Variants in HS6ST3 observed in about 807,000 individuals in gnomAD.
The protein encoded by HS6ST3 is heparan sulfate 6-O-sulfotransferase 3.
A neutral mutation model predicts 36.7 loss-of-function variants in HS6ST3; 12 were observed. The ratio of observed to expected loss-of-function variants is 0.33; its 90% CI spans 0.21 to 0.53. The LOEUF (loss-of-function observed/expected upper bound fraction) is 0.53, where lower values mean the gene tolerates loss of function less well. Ranked by LOEUF, HS6ST3 falls within the 20% of genes least tolerant of loss-of-function variation. The pLI is 0.95. For synonymous variants in HS6ST3, 240 were observed against 257.5 expected (o/e 0.93, Z 0.65); for missense variants, 584 against 640.9 (o/e 0.91, Z 0.96).
rs74107164 is a variant in HS6ST3, at chr13:96,709,625, G to A, written c.708-122865G>A. 8.7e-3 allele frequency among the ~76,000 whole-genome samples: 1,321 copies of A among 152,266 alleles called. 25 individuals carry two copies. The highest frequency in any genetic ancestry group is 0.03 in the African/African-American group (1,233 of 41,542). ...TCTCTCTCCTCCATGTGAGGATATA[G>A]CAAGAAGGTGGCTGTCTATAAATCG... On this transcript the variant is annotated intron_variant, in intron 1 of 1. Coordinates refer to ENST00000376705, the MANE Select transcript of HS6ST3 (RefSeq NM_153456.4).
intron 1 of HS6ST3, among the ~76,000 whole-genome samples, chr13:96,291,636 A>G (rs970882609): frequency 1.3e-5 from 2 of 152,206 alleles, no homozygotes; most frequent in Non-Finnish European, 2.9e-5. Flanking sequence ...AATTATTCTC[A>G]GAAGATAAAA....
Position 96,692,361 on chromosome 13 carries a change from ATAT to A in HS6ST3, c.708-140124_708-140122del, listed in dbSNP as rs530705683. ...ACACTATGTAAATAGTTGTTATAAC[ATAT>A]TATTTAGGGAACAAAAACAAGAAAA... is the stretch of plus-strand genomic sequence containing the variant. On this transcript the variant is annotated intron_variant, in intron 1 of 1. Coordinates refer to ENST00000376705, the MANE Select transcript of HS6ST3 (RefSeq NM_153456.4). 2.0e-5 allele frequency among the ~76,000 whole-genome samples: 3 copies of A among 152,232 alleles called. No individual in the cohort carries two copies. In the East Asian group the frequency reaches 5.8e-4, roughly 29 times the overall value.
chr13:96,458,028 A>G (rs2055762725), intron 1 of HS6ST3, among the ~76,000 whole-genome samples: 1 of 152,050 alleles, frequency 6.6e-6, no homozygotes, highest in African/African-American at 2.4e-5. Flanking sequence ...TAGTTTTAGG[A>G]ACCGGGGAGG....
At chr13:96,719,832 A>C (rs182647208) in intron 1 of HS6ST3, among the ~76,000 whole-genome samples, 1 of 152,208 alleles carries the variant, frequency 6.6e-6, no homozygotes, top group East Asian at 1.9e-4. Context: ...AAAAATACCC[A>C]CACACACTCT....
intron 1 of HS6ST3, among the ~76,000 whole-genome samples, chr13:96,672,702 T>C (rs2056686562): frequency 6.6e-6 from 1 of 152,176 alleles, no homozygotes; most frequent in Admixed American, 6.6e-5. Flanking sequence ...GTTTGAAGAC[T>C]TGGAATATCT....
intron 1 of HS6ST3, among the ~76,000 whole-genome samples, chr13:96,361,900 TTCTCAATGTGTGAC>T (rs1368914013): frequency 4.6e-5 from 7 of 152,182 alleles, no homozygotes; most frequent in African/African-American, 1.7e-4. Flanking sequence ...AGATCAGTGG[TTCTCAATGTGTGAC>T]TCTCAGACCA....
chr13:96,248,611 A>G (rs1594730777), intron 1 of HS6ST3, among the ~76,000 whole-genome samples: 1 of 152,316 alleles, frequency 6.6e-6, no homozygotes, highest in Admixed American at 6.5e-5. Context: ...CAAACAACTT[A>G]ATTTATATAA....
At chr13:96,372,232 C>A (rs1340401552) in intron 1 of HS6ST3, among the ~76,000 whole-genome samples, 5 of 152,138 alleles carry the variant, frequency 3.3e-5, no homozygotes, top group African/African-American at 1.2e-4. Context: ...TCTCTGATGA[C>A]TACTGATGTT....
chr13:96,311,869 A>T (rs2054942475), intron 1 of HS6ST3, among the ~76,000 whole-genome samples: 1 of 152,168 alleles, frequency 6.6e-6, no homozygotes, highest in Admixed American at 6.5e-5. Flanking sequence ...TTCAAGAGGG[A>T]GAGAGTGTGG....
chr13:96,466,842 TCTC>T (rs2055816770), intron 1 of HS6ST3, among the ~76,000 whole-genome samples: 1 of 152,196 alleles, frequency 6.6e-6, no homozygotes. Flanking sequence ...AAGTTGGAAA[TCTC>T]CTGTGATGAG....
intron 1 of HS6ST3, among the ~76,000 whole-genome samples, chr13:96,378,660 G>A (rs919899058): frequency 6.6e-5 from 10 of 152,170 alleles, no homozygotes. Flanking sequence ...GTCAAGTGGG[G>A]CTCACATTCA....
intron 1 of HS6ST3, among the ~76,000 whole-genome samples, chr13:96,267,542 T>TTGAGGCAAAACCAAAGGAA (rs2054698401): frequency 3.3e-5 from 5 of 152,148 alleles, no homozygotes; most frequent in African/African-American, 1.2e-4. Context: ...ATGTCCTTTG[T>TTGAGGCAAAACCAAAGGAA]GTTATTAAAA....
intron 1 of HS6ST3, among the ~76,000 whole-genome samples, chr13:96,218,816 C>T (rs952796521): frequency 6.6e-6 from 1 of 152,078 alleles, no homozygotes; most frequent in Non-Finnish European, 1.5e-5. Context: ...TCAATTGAGG[C>T]CTGTACTGCT....
chr13:96,565,846 G>A (rs1259686094), intron 1 of HS6ST3, among the ~76,000 whole-genome samples: 2 of 152,028 alleles, frequency 1.3e-5, no homozygotes, highest in African/African-American at 4.8e-5. Context: ...AGCCTTAAAT[G>A]GAAATTGACA....
chr13:96,779,687 G>T (rs558556405), intron 1 of HS6ST3, among the ~76,000 whole-genome samples: 6 of 151,766 alleles, frequency 4.0e-5, no homozygotes, highest in Admixed American at 3.9e-4. Context: ...GTGAAAATGA[G>T]GTCAGACCAG....
At chr13:96,752,891 T>A (rs1299758562) in intron 1 of HS6ST3, among the ~76,000 whole-genome samples, 1 of 152,230 alleles carries the variant, frequency 6.6e-6, no homozygotes, top group African/African-American at 2.4e-5. Context: ...CCTATATTTT[T>A]AAAAGCTTTA....
intron 1 of HS6ST3, among the ~76,000 whole-genome samples, chr13:96,622,325 G>A (rs1471105834): frequency 6.6e-6 from 1 of 152,148 alleles, no homozygotes. Context: ...CTTTTTAGCT[G>A]TGGTAACTAC....
At chr13:96,619,585 G>A (rs1180116265) in intron 1 of HS6ST3, among the ~76,000 whole-genome samples, 1 of 152,168 alleles carries the variant, frequency 6.6e-6, no homozygotes, top group Non-Finnish European at 1.5e-5. Flanking sequence ...AGTGTATGTA[G>A]TGTATTTATG....
At chr13:96,162,987 C>T (rs2054143079) in intron 1 of HS6ST3, among the ~76,000 whole-genome samples, 1 of 151,864 alleles carries the variant, frequency 6.6e-6, no homozygotes, top group Non-Finnish European at 1.5e-5. Flanking sequence ...TAAGAGGTTC[C>T]CCCAAATAAT....
Sources: allele counts gnomAD v4.1 joint callset (sites outside exome capture counted in the v4.1 genomes callset), GRCh38; gene constraint gnomAD v4.1.1; transcripts MANE v1.5; gene names NCBI Gene and HGNC (gene_info 2026-07-23, HGNC 2026-07-21).